The following JAKMIP3 variants were observed in gnomAD, a reference collection of about 807,000 sequenced individuals.
The protein encoded by JAKMIP3 is janus kinase and microtubule-interacting protein 3.
Under a neutral mutation model 118.5 loss-of-function variants are expected in JAKMIP3, and 58 were observed. That is an observed-to-expected ratio of 0.49 (90% CI 0.40 to 0.61). JAKMIP3 has a LOEUF of 0.61. Ranked by LOEUF, JAKMIP3 falls within the 20% of genes least tolerant of loss-of-function variation. JAKMIP3 has a pLI of 0.00. For synonymous variants in JAKMIP3, 486 were observed against 451.2 expected (o/e 1.08, Z -0.98); for missense variants, 950 against 1,109.0 (o/e 0.86, Z 2.04).
intron 1 of JAKMIP3, among the ~76,000 whole-genome samples, chr10:132,045,197 C>G (rs1427137940): frequency 6.6e-6 from 1 of 152,130 alleles, no homozygotes; most frequent in Non-Finnish European, 1.5e-5. Context: ...CATTCTGTTC[C>G]GTTTTGATCC....
At chr10:132,101,993 T>C (rs868592978) in intron 1 of JAKMIP3, among the ~76,000 whole-genome samples, 3 of 151,784 alleles carry the variant, frequency 2.0e-5, no homozygotes, top group African/African-American at 7.3e-5. Flanking sequence ...CCGACGCTCA[T>C]GTGGTTGGGA....
At chr10:132,040,547 T>C (rs571719242) in intron 1 of JAKMIP3, among the ~76,000 whole-genome samples, 2 of 152,334 alleles carry the variant, frequency 1.3e-5, no homozygotes, top group East Asian at 3.9e-4. Context: ...ATGAGCATTT[T>C]TTTACTATTC....
At chr10:132,067,366 G>A (rs1472318658) in intron 1 of JAKMIP3, among the ~76,000 whole-genome samples, 2 of 152,106 alleles carry the variant, frequency 1.3e-5, no homozygotes, top group Admixed American at 6.6e-5. Flanking sequence ...CTAAGGGCAC[G>A]CTGTGGCAGA....
At chr10:132,063,055 G>A (rs535486293), upstream of JAKMIP3, among the ~76,000 whole-genome samples, 11 of 152,314 alleles carry the variant, frequency 7.2e-5, no homozygotes, top group South Asian at 4.2e-4. Flanking sequence ...CCAGCAGGAC[G>A]GGTGGGTCTG....
intron 21 of JAKMIP3, 117 bp downstream of exon 21, chr10:132,164,852 C>T: frequency 2.8e-6 from 2 of 722,224 alleles, no homozygotes; most frequent in Non-Finnish European, 4.8e-6. Flanking sequence ...TCGCTCCCAA[C>T]AGCAGCGGGA....
chr10:132,063,352 G>A (rs1376312686), upstream of JAKMIP3, among the ~76,000 whole-genome samples: 1 of 152,192 alleles, frequency 6.6e-6, no homozygotes, highest in Admixed American at 6.5e-5. Context: ...CATCCCAGGT[G>A]CTGGGGCTCG....
intron 1 of JAKMIP3, among the ~76,000 whole-genome samples, chr10:132,093,677 G>T (rs1248871941): frequency 6.6e-6 from 1 of 152,176 alleles, no homozygotes; most frequent in Non-Finnish European, 1.5e-5. Flanking sequence ...CTGACCCCTT[G>T]CACTTCCTGG....
chr10:132,108,915 T>C (rs2046330034), intron 2 of JAKMIP3, among the ~76,000 whole-genome samples: 1 of 149,420 alleles, frequency 6.7e-6, no homozygotes, highest in South Asian at 2.1e-4. Flanking sequence ...CAAATGTATA[T>C]ATAAATTATA....
At chr10:132,129,906 G>C (rs1487936294) in intron 3 of JAKMIP3, among the ~76,000 whole-genome samples, 1 of 140,222 alleles carries the variant, frequency 7.1e-6, no homozygotes, top group Non-Finnish European at 1.5e-5. Context: ...TCAGAAAGCT[G>C]CTTAGGTGAT....
intron 1 of JAKMIP3, among the ~76,000 whole-genome samples, chr10:132,093,725 G>A (rs1389657554): frequency 6.6e-6 from 1 of 151,166 alleles, no homozygotes; most frequent in African/African-American, 2.4e-5. Context: ...CTCACGTTCG[G>A]TGGGCTGCAC....
At chr10:132,108,921 TTA>T (rs1177378635) in intron 2 of JAKMIP3, among the ~76,000 whole-genome samples, 7 of 149,348 alleles carry the variant, frequency 4.7e-5, no homozygotes, top group Admixed American at 2.0e-4. Flanking sequence ...TATATATAAA[TTA>T]TATACGCAAA....
intron 1 of JAKMIP3, among the ~76,000 whole-genome samples, chr10:132,050,782 A>G (rs2038076169): frequency 6.6e-6 from 1 of 152,236 alleles, no homozygotes. Flanking sequence ...CTGATAAGAA[A>G]AACAAAACAC....
chr10:132,126,415 A>G (rs953194224), intron 3 of JAKMIP3, among the ~76,000 whole-genome samples: 1 of 151,236 alleles, frequency 6.6e-6, no homozygotes, highest in Non-Finnish European at 1.5e-5. Flanking sequence ...TGATCCTCCT[A>G]CCTCAGCCTC....
chr10:132,139,637 C>T (rs2053052711), intron 9 of JAKMIP3, among the ~76,000 whole-genome samples: 1 of 152,182 alleles, frequency 6.6e-6, no homozygotes, highest in African/African-American at 2.4e-5. Flanking sequence ...CAGGCTCTCC[C>T]CGCTCGGGAC....
At chr10:132,127,400 G>T (rs1007408193) in intron 3 of JAKMIP3, among the ~76,000 whole-genome samples, 1 of 150,214 alleles carries the variant, frequency 6.7e-6, no homozygotes, top group Non-Finnish European at 1.5e-5. Context: ...TTTTGTGTGT[G>T]TGTGTGTGTG....
chr10:132,111,122 T>C (rs1004660479), intron 2 of JAKMIP3, among the ~76,000 whole-genome samples: 2 of 152,176 alleles, frequency 1.3e-5, no homozygotes, highest in Non-Finnish European at 2.9e-5. Flanking sequence ...CGGAAAGTCC[T>C]ACAAGATCCC....
intron 8 of JAKMIP3, among the ~76,000 whole-genome samples, chr10:132,137,618 C>A (rs2052093122): frequency 6.6e-6 from 1 of 152,226 alleles, no homozygotes; most frequent in African/African-American, 2.4e-5. Flanking sequence ...TTCTCCCTGG[C>A]CAGCACAGAC....
At chr10:132,158,098 C>T (rs1411938976) in intron 19 of JAKMIP3, among the ~76,000 whole-genome samples, 4 of 146,490 alleles carry the variant, frequency 2.7e-5, no homozygotes, top group Admixed American at 1.4e-4. Flanking sequence ...CCCGCCCCGC[C>T]CCGCCCCCGG....
rs891095214 is a variant in JAKMIP3 at position 132,135,823 on chromosome 10, G to A, written c.970-107G>A. On this transcript the variant is annotated intron_variant, in intron 5 of 23. Coordinates refer to ENST00000684848, the MANE Select transcript of JAKMIP3 (RefSeq NM_001323087.2). ...GTGGACTTCCCAAGTAGAGGGCTGG[G>A]GACTGCGTTGTTGCAGCCCAAGCTG... 5.7e-6 allele frequency: 7 copies of A among 1,222,562 alleles called. No homozygotes were observed. The East Asian group carries it at 1.5e-4, about 27-fold the overall frequency. The allele number at this position is 1,222,562 out of a possible 1,614,324, so 75.7% of individuals were successfully genotyped here.
Sources: allele counts gnomAD v4.1 joint callset (sites outside exome capture counted in the v4.1 genomes callset), GRCh38; gene constraint gnomAD v4.1.1; transcripts MANE v1.5; gene names NCBI Gene and HGNC (gene_info 2026-07-23, HGNC 2026-07-21).